The following CADM2 variants were observed in gnomAD, a reference collection of about 807,000 sequenced individuals.
CADM2 encodes immunoglobulin superfamily member 4D.
In CADM2, 12 loss-of-function variants were observed where a neutral mutation model predicts 49.8. The ratio of observed to expected loss-of-function variants is 0.24; its 90% CI spans 0.15 to 0.39. CADM2 has a LOEUF of 0.39. CADM2 is among the 10% of genes least tolerant of loss of function. The probability of loss-of-function intolerance (pLI) is 1.00; values close to 1 mark genes in which losing one functional copy is unlikely to be tolerated. For missense variants in CADM2, 378 were observed against 492.3 expected (o/e 0.77, Z 2.20); for synonymous variants, 214 against 175.4 (o/e 1.22, Z -1.74).
chr3:85,509,191 T>C (rs1352916773), intron 1 of CADM2, among the ~76,000 whole-genome samples: 1 of 152,128 alleles, frequency 6.6e-6, no homozygotes, highest in Non-Finnish European at 1.5e-5. Context: ...CCTAAGTTCT[T>C]TCCAATCTTA....
intron 8 of CADM2, among the ~76,000 whole-genome samples, chr3:85,977,345 A>C (rs1430565564): frequency 1.3e-5 from 2 of 151,386 alleles, no homozygotes; most frequent in Non-Finnish European, 3.0e-5. Context: ...TCTGTGATAA[A>C]TTTGGAAATA....
chr3:86,066,348 A>AAAAAAAAAAAAAAAAAAAAACAAAC (rs1739327759), intron 9 of CADM2, among the ~76,000 whole-genome samples: 1 of 149,968 alleles, frequency 6.7e-6, no homozygotes, highest in African/African-American at 2.5e-5. Flanking sequence ...AAAAAAAAAA[A>AAAAAAAAAAAAAAAAAAAAACAAAC]AAAAAAAAAA....
intron 2 of CADM2, among the ~76,000 whole-genome samples, chr3:85,797,043 A>G (rs2071668524): frequency 6.6e-6 from 1 of 151,598 alleles, no homozygotes; most frequent in African/African-American, 2.4e-5. Context: ...GCAGTGAGCC[A>G]AGATTACGCC....
intron 5 of CADM2, among the ~76,000 whole-genome samples, chr3:85,901,350 G>A (rs1285335446): frequency 6.6e-6 from 1 of 152,112 alleles, no homozygotes; most frequent in East Asian, 1.9e-4. Context: ...AGTTGATTGA[G>A]ATAGATTATT....
intron 5 of CADM2, among the ~76,000 whole-genome samples, chr3:85,902,011 GTTAT>G (rs905552832): frequency 3.9e-5 from 6 of 152,002 alleles, no homozygotes; most frequent in African/African-American, 1.4e-4. Context: ...TATTCCATAT[GTTAT>G]TTAGTCATTC....
chr3:85,881,447 GT>G lies in CADM2; in HGVS notation c.239-1836del, dbSNP rs558074925. Among the ~76,000 whole-genome samples the G allele has an allele frequency of 3.9e-3, 596 of 151,982 alleles. 2 individuals are homozygous for G. Among genetic ancestry groups the G allele is most frequent in the African/African-American group, 0.013 (536 of 41,462 alleles). On this transcript the variant is annotated intron_variant, in intron 3 of 9. Transcript: ENST00000383699. ...TCCTGGTGTTTAGTATGACTAGTAA[GT>G]TTTTTTTATTATACGCTGAACATTT...
chr3:85,846,427 T>A (rs145097707), intron 3 of CADM2, among the ~76,000 whole-genome samples: 45 of 152,282 alleles, frequency 3.0e-4, no homozygotes, highest in African/African-American at 1.1e-3. Context: ...ATTTCTTATA[T>A]GCCAATTCCT....
At chr3:85,389,196 G>A (rs192608755) in intron 1 of CADM2, among the ~76,000 whole-genome samples, 4 of 152,028 alleles carry the variant, frequency 2.6e-5, no homozygotes, top group Non-Finnish European at 5.9e-5. Flanking sequence ...GTTCTAGAAG[G>A]CCCACTTTGC....
intron 3 of CADM2, among the ~76,000 whole-genome samples, chr3:85,837,978 C>A (rs1226727640): frequency 6.6e-6 from 1 of 151,760 alleles, no homozygotes; most frequent in Admixed American, 6.6e-5. Flanking sequence ...AATATGAATT[C>A]ACTGGGGCAT....
intron 2 of CADM2, among the ~76,000 whole-genome samples, chr3:85,774,082 T>A (rs1276012940): frequency 6.6e-6 from 1 of 151,898 alleles, no homozygotes; most frequent in African/African-American, 2.4e-5. Context: ...ATCTACATTT[T>A]TAAAGCCTCA....
intron 1 of CADM2, among the ~76,000 whole-genome samples, chr3:85,116,325 A>AAAAC (rs1316269532): frequency 2.6e-5 from 4 of 152,210 alleles, no homozygotes; most frequent in Admixed American, 6.5e-5. Flanking sequence ...TCTCCGTCTC[A>AAAAC]AAACAAACAA....
At chr3:85,859,090 T>C (rs553222482) in intron 3 of CADM2, among the ~76,000 whole-genome samples, 133 of 152,202 alleles carry the variant, frequency 8.7e-4, no homozygotes, top group African/African-American at 3.0e-3. Context: ...AGTATAGAAA[T>C]GATGAAAAAG....
intron 1 of CADM2, among the ~76,000 whole-genome samples, chr3:85,168,420 C>T (rs142493082): frequency 6.6e-6 from 1 of 152,226 alleles, no homozygotes. Context: ...ACCATGTTGT[C>T]AATGTTCACA....
At chr3:85,083,125 T>A (rs1395733867) in intron 1 of CADM2, among the ~76,000 whole-genome samples, 1 of 152,176 alleles carries the variant, frequency 6.6e-6, no homozygotes, top group Non-Finnish European at 1.5e-5. Context: ...ATATGTGTAT[T>A]ATATTATATA....
chr3:85,201,072 T>C (rs1220684548), intron 1 of CADM2, among the ~76,000 whole-genome samples: 1 of 152,204 alleles, frequency 6.6e-6, no homozygotes, highest in African/African-American at 2.4e-5. Context: ...CTTATTCGTC[T>C]ATATTACTGA....
At chr3:85,710,498 A>C (rs540582531) in intron 1 of CADM2, among the ~76,000 whole-genome samples, 51 of 152,242 alleles carry the variant, frequency 3.3e-4, no homozygotes, top group African/African-American at 1.1e-3. Flanking sequence ...ATTACTCTCA[A>C]ACTATGGCTC....
At chr3:85,820,727 G>A (rs916319517) in intron 3 of CADM2, among the ~76,000 whole-genome samples, 1 of 152,040 alleles carries the variant, frequency 6.6e-6, no homozygotes, top group Non-Finnish European at 1.5e-5. Flanking sequence ...TGAGTCTGGA[G>A]TCCACAGACA....
intron 1 of CADM2, among the ~76,000 whole-genome samples, chr3:85,013,910 C>A: frequency 6.9e-6 from 1 of 144,030 alleles, no homozygotes; most frequent in Admixed American, 7.1e-5. Flanking sequence ...GTACTGTCCT[C>A]AGTACAATAT....
At chr3:85,929,813 A>G (rs1720366141) in intron 6 of CADM2, among the ~76,000 whole-genome samples, 2 of 152,068 alleles carry the variant, frequency 1.3e-5, no homozygotes. Context: ...CATTATTTCT[A>G]GAATATTATT....
Sources: allele counts gnomAD v4.1 joint callset (sites outside exome capture counted in the v4.1 genomes callset), GRCh38; gene constraint gnomAD v4.1.1; transcripts MANE v1.5; gene names NCBI Gene and HGNC (gene_info 2026-07-23, HGNC 2026-07-21).